DOCK5: variants seen among roughly 807,000 people sequenced by gnomAD.
DOCK5 encodes the protein dedicator of cytokinesis protein 5.
In DOCK5, 142 loss-of-function variants were observed where a neutral mutation model predicts 251.8. The observed-to-expected ratio is 0.56, with a 90% CI of 0.49 to 0.65. The LOEUF (loss-of-function observed/expected upper bound fraction) is 0.65, where lower values mean the gene tolerates loss of function less well. Among genes scored for constraint, DOCK5 ranks in the 30% least tolerant of loss-of-function variants. The pLI, the probability that DOCK5 is intolerant of heterozygous loss-of-function variation, is 0.00. For missense variants in DOCK5, 2,111 were observed against 2,312.3 expected, an observed-to-expected ratio of 0.91 and a Z score of 1.79; for synonymous variants, 842 against 835.5, an observed-to-expected ratio of 1.01 and a Z score of -0.13.
chr8:25,308,851 T>C lies in DOCK5; in HGVS notation c.1118T>C (p.Ile373Thr), dbSNP rs150699795. The C allele has an allele frequency of 1.2e-4, 191 of 1,613,712 alleles. No individual in the cohort carries two copies. Among genetic ancestry groups the C allele is most frequent in the Admixed American group, 2.0e-4 (12 of 59,984 alleles). ...IMSPLITSHV[I>T]GENEPLTSVL... ...TCGCCTTTGATAACATCACACGTGATTGGGGAGAATGAGCCACTCACTTCA... is the reference window on the plus strand; with the variant it reads ...TCGCCTTTGATAACATCACACGTGACTGGGGAGAATGAGCCACTCACTTCA... The change falls in exon 12 of 52, where the codon ATT (isoleucine) becomes ACT (threonine). Residue 373 changes from isoleucine (I) to threonine (T), a missense_variant. By Grantham distance (89) the Ile-to-Thr change is moderately conservative (BLOSUM62 -1). Coordinates refer to ENST00000276440, the MANE Select transcript of DOCK5 (RefSeq NM_024940.8).
intron 2 of DOCK5, among the ~76,000 whole-genome samples, chr8:25,261,257 A>G (rs967602465): frequency 4.6e-5 from 7 of 152,170 alleles, no homozygotes; most frequent in African/African-American, 1.7e-4. Flanking sequence ...GATTTAGGAC[A>G]CGGAGACATT....
intron 1 of DOCK5, among the ~76,000 whole-genome samples, chr8:25,185,307 G>T (rs1338848380): frequency 6.6e-6 from 1 of 152,178 alleles, no homozygotes; most frequent in Non-Finnish European, 1.5e-5. Flanking sequence ...CGCCCAGCGT[G>T]GGTTTCACCT....
intron 31 of DOCK5, among the ~76,000 whole-genome samples, chr8:25,367,345 C>T (rs918235338): frequency 3.3e-5 from 5 of 152,216 alleles, no homozygotes; most frequent in African/African-American, 1.2e-4. Flanking sequence ...GTTGCTCCAC[C>T]TCCCTGCCAT....
chr8:25,235,435 A>G (rs960112372), intron 1 of DOCK5, among the ~76,000 whole-genome samples: 24 of 151,848 alleles, frequency 1.6e-4, no homozygotes, highest in African/African-American at 5.1e-4. Context: ...TAATTTTTAT[A>G]ATTTTTTGAG....
Position 25,373,626 on chromosome 8 carries a change from T to A in DOCK5, c.3693T>A (p.Tyr1231Ter). The change falls in exon 36 of 52, where the codon TAT (tyrosine) becomes TAA (stop). Residue 1231 changes from tyrosine to a stop codon, truncating the protein, a stop_gained. Coordinates refer to ENST00000276440, the MANE Select transcript of DOCK5 (RefSeq NM_024940.8). LOFTEE classifies it high-confidence loss of function. ...MSCTVNVLNF[Y>*]KEKKREDIYI... ...CTTTTTTTTCCTGGCAGAACTTTTA[T>A]AAAGAAAAGAAGAGAGAGGACATAT... 1 of 1,595,226 alleles carries A rather than the reference T, an allele frequency of 6.3e-7. No individual in the cohort carries two copies. The highest frequency in any genetic ancestry group is 8.5e-7 in the Non-Finnish European group (1 of 1,170,464).
chr8:25,381,379 C>A (rs982143634), intron 39 of DOCK5, among the ~76,000 whole-genome samples: 1 of 152,152 alleles, frequency 6.6e-6, no homozygotes, highest in Non-Finnish European at 1.5e-5. Flanking sequence ...AATCTCAGAA[C>A]TTTGGGAGGC....
intron 47 of DOCK5, 90 bp downstream of exon 47, chr8:25,401,156 G>A (rs1801432648): frequency 5.9e-6 from 9 of 1,534,064 alleles, no homozygotes; most frequent in African/African-American, 2.7e-5. Flanking sequence ...CAAGTGAGTT[G>A]TAATAACTTA....
intron 2 of DOCK5, among the ~76,000 whole-genome samples, chr8:25,268,573 A>C (rs753111955): frequency 6.6e-6 from 1 of 152,056 alleles, no homozygotes; most frequent in Non-Finnish European, 1.5e-5. Flanking sequence ...TTTTTTTGCT[A>C]TTGTTCTATT....
rs746577755 is a variant in DOCK5 at position 25,395,824 on chromosome 8, A to G, written c.4704+105A>G. 63 of 1,294,468 alleles carry G rather than the reference A, an allele frequency of 4.9e-5. 1 individual carries two copies. The African/African-American group carries it at 8.5e-4, about 18-fold the overall frequency. The allele number at this position is 1,294,468 out of a possible 1,614,324, so 80.2% of individuals were successfully genotyped here. On this transcript the variant is annotated intron_variant, in intron 45 of 51. Transcript: ENST00000276440. ...CAAATTCATTTCCTACAGCTGCTCTAAGAAATGTTCACTTTCCCTTCTGGC... is the reference window on the plus strand; with the variant it reads ...CAAATTCATTTCCTACAGCTGCTCTGAGAAATGTTCACTTTCCCTTCTGGC...
intron 1 of DOCK5, among the ~76,000 whole-genome samples, chr8:25,231,277 T>G (rs1202876458): frequency 1.3e-5 from 2 of 152,172 alleles, no homozygotes; most frequent in East Asian, 3.8e-4. Flanking sequence ...ATAATTTATT[T>G]CTCCGTTTTC....
chr8:25,204,524 G>A (rs548885100), intron 1 of DOCK5, among the ~76,000 whole-genome samples: 14 of 152,178 alleles, frequency 9.2e-5, no homozygotes, highest in Non-Finnish European at 1.9e-4. Context: ...AGCGATGCCT[G>A]TTAGGCCACA....
intron 1 of DOCK5, among the ~76,000 whole-genome samples, chr8:25,242,254 T>C (rs57485446): frequency 0.055 from 8,394 of 152,258 alleles, 536 homozygotes; most frequent in African/African-American, 0.16. Context: ...GGGGCACCTT[T>C]ACAGCCCACC....
At chr8:25,397,083 G>A (rs1050780214) in intron 45 of DOCK5, among the ~76,000 whole-genome samples, 2 of 152,132 alleles carry the variant, frequency 1.3e-5, no homozygotes, top group South Asian at 2.1e-4. Context: ...TCAGCTGGGC[G>A]TGATGGCGGG....
Position 25,415,225 on chromosome 8 carries a change from T to A in DOCK5, c.*3927T>A, listed in dbSNP as rs1506868. On this transcript the variant is annotated 3_prime_UTR_variant, in exon 52 of 52. Transcript: ENST00000276440. ...AATTTGTGCAACATCTTATAAACAA[T>A]GTCATTTCCATAGTAGTCTAAGGCT... 6.6e-6 allele frequency: 1 copy of A among 152,168 alleles called. No individual in the cohort carries two copies. The highest frequency in any genetic ancestry group is 1.5e-5 in the Non-Finnish European group (1 of 68,024). 9.4% of individuals were successfully genotyped at this position (152,168 alleles called of 1,614,324 possible). A position where few individuals can be genotyped will look rare whatever the true frequency, so the allele number is the denominator to read the frequency against.
At chr8:25,410,976 C>A (rs4521766) in intron 51 of DOCK5, among the ~76,000 whole-genome samples, 1 of 83,098 alleles carries the variant, frequency 1.2e-5, no homozygotes, top group Non-Finnish European at 2.3e-5. Context: ...TGTGTGTGCG[C>A]GCGCGCGCAC....
chr8:25,371,375 G>A (rs535112500), intron 34 of DOCK5, among the ~76,000 whole-genome samples: 1 of 152,266 alleles, frequency 6.6e-6, no homozygotes, highest in East Asian at 1.9e-4. Context: ...GGCTGAAGCA[G>A]GAGAATCACT....
chr8:25,335,902 G>A (rs117657057), intron 21 of DOCK5, among the ~76,000 whole-genome samples: 1 of 152,334 alleles, frequency 6.6e-6, no homozygotes, highest in Non-Finnish European at 1.5e-5. Context: ...ATTTATGGGA[G>A]CATCTGAAGA....
At chr8:25,288,778 CATTTT>C (rs1804408917) in intron 5 of DOCK5, among the ~76,000 whole-genome samples, 1 of 152,058 alleles carries the variant, frequency 6.6e-6, no homozygotes, top group African/African-American at 2.4e-5. Flanking sequence ...GAAATGGAAA[CATTTT>C]ATATAAGATT....
intron 2 of DOCK5, among the ~76,000 whole-genome samples, chr8:25,264,700 C>T (rs910770300): frequency 1.3e-5 from 2 of 151,684 alleles, no homozygotes; most frequent in Non-Finnish European, 2.9e-5. Context: ...GGTGGCACAC[C>T]TCTGTAATCC....
Sources: gnomAD v4.1 joint callset for allele counts (sites outside exome capture counted in the v4.1 genomes callset) on GRCh38, gnomAD v4.1.1 for gene constraint, MANE v1.5 for transcripts, NCBI Gene and HGNC (gene_info 2026-07-23, HGNC 2026-07-21) for gene names.